The following CFD variants were observed in gnomAD, a reference collection of about 807,000 sequenced individuals.
CFD encodes the protein C3 convertase activator.
CFD carries 24 observed loss-of-function variants against 21.1 expected under a neutral mutation model. The observed-to-expected ratio is 1.14, with a 90% confidence interval of 0.82 to 1.60. The LOEUF is 1.60. CFD is among the 40% of genes most tolerant of loss of function. CFD has a pLI of 0.00. For synonymous variants in CFD, 242 were observed against 175.9 expected, an observed-to-expected ratio of 1.38 and a Z score of -2.97; for missense variants, 535 against 383.3, an observed-to-expected ratio of 1.40 and a Z score of -3.31.
Position 860,852 on chromosome 19 carries a change from G to A in CFD, c.213-9G>A. On this transcript the variant is annotated splice_polypyrimidine_tract_variant and intron_variant, in intron 2 of 4. Coordinates refer to ENST00000327726, the MANE Select transcript of CFD (RefSeq NM_001928.4). ...CTGGCACCGACCGCGGACTCCGTCC[G>A]GTCCCCAGGGCCGACGGGAAGGTGC... The A allele has an allele frequency of 6.4e-7, 1 of 1,563,316 alleles. No individual in the cohort carries two copies. The highest frequency in any genetic ancestry group is 8.6e-7 in the Non-Finnish European group (1 of 1,160,946).
Position 863,348 on chromosome 19 carries a change from G to C in CFD, c.*110G>C, listed in dbSNP as rs759169501. 4.4e-5 allele frequency: 59 copies of C among 1,330,302 alleles called. No individual in the cohort carries two copies. Among genetic ancestry groups the C allele is most frequent in the Admixed American group, 7.9e-5 (4 of 50,360 alleles). 82.4% of individuals were successfully genotyped at this position (1,330,302 alleles called of 1,614,324 possible). A position where few individuals can be genotyped will look rare whatever the true frequency, so the allele number is the denominator to read the frequency against. On this transcript the variant is annotated 3_prime_UTR_variant, in exon 5 of 5. Coordinates refer to ENST00000327726, the MANE Select transcript of CFD (RefSeq NM_001928.4). The stretch of plus-strand genomic sequence containing the variant: ...TATTGAGCACCTACTATATGCAGAA[G>C]GGGAGGCCGAGGTGGGAGGATCATT...
Position 860,650 on chromosome 19 carries a change from G to A in CFD, c.89G>A (p.Arg30Lys). The A allele has an allele frequency of 6.7e-7, 1 of 1,493,126 alleles. No homozygotes were observed. Among genetic ancestry groups the A allele is most frequent in the South Asian group, 1.3e-5 (1 of 79,286 alleles). The allele number at this position is 1,493,126 out of a possible 1,614,324, so 92.5% of individuals were successfully genotyped here. The change falls in exon 2 of 5, where the codon AGA becomes AAA. Residue 30 changes from arginine (R) to lysine (K), a missense_variant. Transcript: ENST00000327726. ...CCCCGTGGTCGGATCCTGGGCGGCA[G>A]AGAGGCCGAGGCGCACGCGCGGCCC... is the stretch of plus-strand genomic sequence containing the variant. ...APPRGRILGG[R>K]EAEAHARPYM...
rs778089050 is a variant in CFD, at chr19:861,963, C to T, written c.615+7C>T. 18 of 1,540,752 alleles carry T rather than the reference C, an allele frequency of 1.2e-5. No individual in the cohort carries two copies. The Admixed American group carries it at 2.7e-4, about 23-fold the overall frequency. On this transcript the variant is annotated splice_region_variant and intron_variant, in intron 4 of 4. Coordinates refer to ENST00000327726, the MANE Select transcript of CFD (RefSeq NM_001928.4). The stretch of plus-strand genomic sequence containing the variant: ...TCGCCGGGACAGCTGCAAGGTGAGC[C>T]TTCAGGCCTGGGAGGAGACGCGGGG...
intron 4 of CFD, among the ~76,000 whole-genome samples, chr19:862,807 A>G (rs1489474268): frequency 3.5e-5 from 5 of 140,986 alleles, no homozygotes; most frequent in Non-Finnish European, 7.7e-5. Context: ...TGGGACCCCC[A>G]TACTGGAAAG....
chr19:860,105 G>C (rs1461150036), intron 1 of CFD, among the ~76,000 whole-genome samples: 1 of 152,060 alleles, frequency 6.6e-6, no homozygotes, highest in Non-Finnish European at 1.5e-5. Flanking sequence ...GCCCACTGTG[G>C]GTTCTGTACT....
At position 863,429 on chromosome 19, in the gene CFD, A is replaced by C. The variant is rs1192544979; in HGVS notation, c.*191A>C. The C allele has an allele frequency of 6.1e-6, 4 of 652,518 alleles. No homozygotes were observed. Among genetic ancestry groups the C allele is most frequent in the African/African-American group, 1.9e-5 (1 of 52,592 alleles). The allele number at this position is 652,518 out of a possible 1,614,324, so 40.4% of individuals were successfully genotyped here. A position where few individuals can be genotyped will look rare whatever the true frequency, so the allele number is the denominator to read the frequency against. On this transcript the variant is annotated 3_prime_UTR_variant, in exon 5 of 5. Coordinates refer to ENST00000327726, the MANE Select transcript of CFD (RefSeq NM_001928.4). ...CACGTAGCGCGACTCCATCTCTACA[A>C]ATAAATAAAAAATTAGCTGGGCAAT...
chr19:863,343 C>A lies in CFD; in HGVS notation c.*105C>A. On this transcript the variant is annotated 3_prime_UTR_variant, in exon 5 of 5. Coordinates refer to ENST00000327726, the MANE Select transcript of CFD (RefSeq NM_001928.4). ...GTCTTTATTGAGCACCTACTATATG[C>A]AGAAGGGGAGGCCGAGGTGGGAGGA... 7.3e-7 allele frequency: 1 copy of A among 1,374,440 alleles called. No homozygotes were observed. Among genetic ancestry groups the A allele is most frequent in the Non-Finnish European group, 1.0e-6 (1 of 1,000,862 alleles). 85.1% of individuals were successfully genotyped at this position (1,374,440 alleles called of 1,614,324 possible). A position where few individuals can be genotyped will look rare whatever the true frequency, so the allele number is the denominator to read the frequency against.
chr19:859,680 C>T lies in CFD; in HGVS notation c.-10C>T. 6.4e-7 allele frequency: 1 copy of T among 1,561,972 alleles called. No individual in the cohort carries two copies. The highest frequency in any genetic ancestry group is 8.7e-7 in the Non-Finnish European group (1 of 1,153,410). ...GCCTGGGTCAGTGTCTCAGCCACAG[C>T]GGCTTCACCATGCACAGCTGGGAGC... is the stretch of plus-strand genomic sequence containing the variant. On this transcript the variant is annotated 5_prime_UTR_variant, in exon 1 of 5. Transcript: ENST00000327726.
At chr19:862,871 G>T (rs1421072295) in intron 4 of CFD, among the ~76,000 whole-genome samples, 1 of 151,740 alleles carries the variant, frequency 6.6e-6, no homozygotes, top group African/African-American at 2.4e-5. Context: ...AGGCCAGAGG[G>T]GGTGTGGCCA....
At position 863,370 on chromosome 19, in the gene CFD, C is replaced by CA; in HGVS notation, c.*133dup. On this transcript the variant is annotated 3_prime_UTR_variant, in exon 5 of 5. Transcript: ENST00000327726. Reference sequence around the variant, plus strand: ...GAAGGGGAGGCCGAGGTGGGAGGATCATTGGATCTCAGGAGTTCGAGATCA... The same window carrying CA: ...GAAGGGGAGGCCGAGGTGGGAGGATCAATTGGATCTCAGGAGTTCGAGATCA... 9.2e-7 allele frequency: 1 copy of CA among 1,085,874 alleles called. No homozygotes were observed. The highest frequency in any genetic ancestry group is 1.4e-6 in the Non-Finnish European group (1 of 739,970). The allele number at this position is 1,085,874 out of a possible 1,614,324, so 67.3% of individuals were successfully genotyped here.
At chr19:861,655 TCGCACCCC>T (rs1158844195) in intron 3 of CFD, 36 bp from the exon 4 acceptor site, 4 of 1,515,982 alleles carry the variant, frequency 2.6e-6, no homozygotes, top group African/African-American at 1.5e-5. Context: ...CTCCCCAGCC[TCGCACCCC>T]CGCACCCCAA....
chr19:861,665 G>A (rs1433552577), intron 3 of CFD, 34 bp from the exon 4 acceptor site: 1 of 1,509,264 alleles, frequency 6.6e-7, no homozygotes, highest in Admixed American at 1.9e-5. Context: ...TCGCACCCCC[G>A]CACCCCAACC....
Position 863,086 on chromosome 19 carries a change from C to T in CFD, c.616-6C>T, listed in dbSNP as rs1475107102. 18 of 1,520,248 alleles carry T rather than the reference C, an allele frequency of 1.2e-5. No individual in the cohort carries two copies. The highest frequency in any genetic ancestry group is 4.9e-5 in the East Asian group (2 of 40,462). The allele number at this position is 1,520,248 out of a possible 1,614,324, so 94.2% of individuals were successfully genotyped here. On this transcript the variant is annotated splice_region_variant and splice_polypyrimidine_tract_variant and intron_variant, in intron 4 of 4. Coordinates refer to ENST00000327726, the MANE Select transcript of CFD (RefSeq NM_001928.4). The stretch of plus-strand genomic sequence containing the variant: ...CGCCCCTCACGGCCCCGTCCTGTTC[C>T]GGCAGGGTGACTCCGGGGGCCCGCT...
At chr19:859,878 T>C (rs2035760790) in intron 1 of CFD, 134 bp downstream of exon 1, 2 of 648,710 alleles carry the variant, frequency 3.1e-6, no homozygotes, top group South Asian at 1.7e-5. Context: ...TGGAAGGCTC[T>C]GAACGCTGAA....
At position 860,787 on chromosome 19, in the gene CFD, C is replaced by G; in HGVS notation, c.212+14C>G. 1 of 1,561,234 alleles carries G rather than the reference C, an allele frequency of 6.4e-7. No homozygotes were observed. The highest frequency in any genetic ancestry group is 1.4e-5 in the African/African-American group (1 of 73,928). Reference sequence around the variant, plus strand: ...CCTGGAGGACGCGTGAGTGCCCGCGCCGCGCGGGGGAAGAGCCCGGGTGCG... The same window carrying G: ...CCTGGAGGACGCGTGAGTGCCCGCGGCGCGCGGGGGAAGAGCCCGGGTGCG... On this transcript the variant is annotated intron_variant, in intron 2 of 4. Transcript: ENST00000327726.
intron 4 of CFD, 141 bp downstream of exon 4, chr19:862,097 G>A (rs1431352658): frequency 1.2e-5 from 16 of 1,342,870 alleles, no homozygotes; most frequent in East Asian, 2.5e-5. Flanking sequence ...TGGAAGATGG[G>A]CGGAGCATGA....
chr19:860,218 T>G, intron 1 of CFD, among the ~76,000 whole-genome samples: 1 of 148,206 alleles, frequency 6.7e-6, no homozygotes, highest in Admixed American at 6.8e-5. Flanking sequence ...TGATAGGGAG[T>G]CTCGCTCTGT....
intron 1 of CFD, among the ~76,000 whole-genome samples, chr19:860,193 C>T (rs1433554902): frequency 8.7e-5 from 13 of 149,862 alleles, no homozygotes; most frequent in African/African-American, 2.8e-4. Flanking sequence ...TCTTTTTTTT[C>T]TTTCTTTTTT....
rs868017405 is a variant in CFD, at chr19:863,238, G to T, written c.762G>T (p.Ter254TyrextTer5). The T allele has an allele frequency of 6.5e-7, 1 of 1,547,262 alleles. No individual in the cohort carries two copies. The highest frequency in any genetic ancestry group is 2.4e-5 in the East Asian group (1 of 42,542). The change falls in exon 5 of 5, where the codon TAG (stop) becomes TAT (tyrosine). Residue 254 changes from the stop codon to tyrosine (Y), a stop_lost. Transcript: ENST00000327726. Reference protein sequence around the residue: ...YAAWIDSVLA* With the variant: ...YAAWIDSVLAY ...CCTGGATCGACAGCGTCCTGGCCTA[G>T]GGTGCCGGGGCCTGAAGGTCAGGGT...
Sources: allele counts gnomAD v4.1 joint callset (sites outside exome capture counted in the v4.1 genomes callset), GRCh38; gene constraint gnomAD v4.1.1; transcripts MANE v1.5; gene names NCBI Gene and HGNC (gene_info 2026-07-23, HGNC 2026-07-21).